GALNTL6: variants seen among roughly 807,000 people sequenced by gnomAD.
The protein encoded by GALNTL6 is polypeptide N-acetylgalactosaminyltransferase like 6.
In GALNTL6, 46 loss-of-function variants were observed where a neutral mutation model predicts 73.7. That is an observed-to-expected ratio of 0.62 (90% CI 0.49 to 0.80). The LOEUF is 0.80. Among genes scored for constraint, GALNTL6 ranks in the 30% least tolerant of loss-of-function variants. GALNTL6 has a pLI of 0.00. For synonymous variants in GALNTL6, 259 were observed against 263.7 expected (o/e 0.98, Z 0.17); for missense variants, 604 against 755.0 (o/e 0.80, Z 2.34).
intron 5 of GALNTL6, among the ~76,000 whole-genome samples, chr4:172,566,852 A>G (rs1341825643): frequency 2.0e-5 from 3 of 152,106 alleles, no homozygotes; most frequent in Non-Finnish European, 4.4e-5. Flanking sequence ...ACGCCACAGA[A>G]ACAAAAGGAA....
chr4:172,311,810 A>AT lies in GALNTL6; in HGVS notation c.386+67dup, dbSNP rs558851741. The AT allele has an allele frequency of 1.3e-3, 1,615 of 1,252,076 alleles. 14 individuals are homozygous for AT. In the South Asian group the frequency reaches 0.015, roughly 12 times the overall value. The allele number at this position is 1,252,076 out of a possible 1,614,324, so 77.6% of individuals were successfully genotyped here. ...TTTTTTTGGTTTTTTTTGTCCTTTG[A>AT]TTTTTTTTTAAATGTGTATCACTGC... is the stretch of plus-strand genomic sequence containing the variant. On this transcript the variant is annotated intron_variant, in intron 4 of 12. Transcript: ENST00000506823.
chr4:172,313,238 G>A (rs1018621867), intron 4 of GALNTL6, among the ~76,000 whole-genome samples: 1 of 149,844 alleles, frequency 6.7e-6, no homozygotes, highest in Non-Finnish European at 1.5e-5. Flanking sequence ...CCATTCTCCT[G>A]CCTCAGCCTC....
intron 2 of GALNTL6, among the ~76,000 whole-genome samples, chr4:172,163,662 G>T (rs190691587): frequency 6.6e-6 from 1 of 152,072 alleles, no homozygotes; most frequent in East Asian, 1.9e-4. Flanking sequence ...GAAAGGAAAG[G>T]TTTCTTTACG....
intron 5 of GALNTL6, among the ~76,000 whole-genome samples, chr4:172,501,115 A>G (rs1430399153): frequency 6.6e-6 from 1 of 152,202 alleles, no homozygotes; most frequent in African/African-American, 2.4e-5. Flanking sequence ...TACATGCATA[A>G]CTGGTGAAAT....
intron 5 of GALNTL6, among the ~76,000 whole-genome samples, chr4:172,442,965 T>C (rs1259433677): frequency 6.6e-6 from 1 of 151,622 alleles, no homozygotes; most frequent in East Asian, 1.9e-4. Context: ...GGGGATTTTA[T>C]CTATTGGTGA....
At chr4:172,806,594 C>T (rs1025890808) in intron 5 of GALNTL6, among the ~76,000 whole-genome samples, 1 of 152,140 alleles carries the variant, frequency 6.6e-6, no homozygotes, top group Non-Finnish European at 1.5e-5. Context: ...GGAAATTACT[C>T]ATTTCTCCTC....
intron 2 of GALNTL6, among the ~76,000 whole-genome samples, chr4:172,212,842 T>TTTTTTTTTTTG: frequency 6.6e-6 from 1 of 152,044 alleles, no homozygotes. Context: ...TAATTTTTTT[T>TTTTTTTTTTTG]GTATTTTTAG....
At chr4:172,323,477 C>G (rs1421701896) in intron 4 of GALNTL6, among the ~76,000 whole-genome samples, 1 of 152,126 alleles carries the variant, frequency 6.6e-6, no homozygotes, top group Non-Finnish European at 1.5e-5. Context: ...ATGTTTGTCA[C>G]TACCCAGGTG....
intron 2 of GALNTL6, among the ~76,000 whole-genome samples, chr4:171,950,637 G>T (rs1356542644): frequency 4.0e-5 from 6 of 151,730 alleles, no homozygotes. Flanking sequence ...GCACCACCAC[G>T]CCAGGCTAAT....
At chr4:172,627,188 A>AGG (rs1185671557) in intron 5 of GALNTL6, among the ~76,000 whole-genome samples, 1 of 151,990 alleles carries the variant, frequency 6.6e-6, no homozygotes, top group East Asian at 1.9e-4. Context: ...AGTTTGGTGA[A>AGG]GGTTTTTATC....
intron 2 of GALNTL6, among the ~76,000 whole-genome samples, chr4:172,117,183 CA>C (rs1386510671): frequency 6.6e-6 from 1 of 152,164 alleles, no homozygotes. Context: ...CTAACTCTCA[CA>C]TCCACACAGA....
At chr4:171,879,229 T>C (rs1736368265) in intron 2 of GALNTL6, among the ~76,000 whole-genome samples, 1 of 152,160 alleles carries the variant, frequency 6.6e-6, no homozygotes, top group African/African-American at 2.4e-5. Flanking sequence ...TCCTTAAAAA[T>C]GATGCTTTGA....
intron 7 of GALNTL6, among the ~76,000 whole-genome samples, chr4:172,837,612 G>C (rs1677957197): frequency 6.6e-6 from 1 of 152,134 alleles, no homozygotes; most frequent in Admixed American, 6.5e-5. Context: ...AGGGGAGAAA[G>C]CCTCCATTTT....
intron 5 of GALNTL6, among the ~76,000 whole-genome samples, chr4:172,588,377 T>G (rs1009283890): frequency 2.6e-5 from 4 of 152,030 alleles, no homozygotes; most frequent in Non-Finnish European, 5.9e-5. Context: ...GCAGATCACT[T>G]GAGGCCAGGA....
intron 9 of GALNTL6, among the ~76,000 whole-genome samples, chr4:172,944,250 A>G (rs931716246): frequency 1.3e-5 from 2 of 152,260 alleles, no homozygotes; most frequent in African/African-American, 4.8e-5. Flanking sequence ...TCCATAATAC[A>G]TAAAGAATTC....
chr4:172,380,185 G>T lies in GALNTL6; in HGVS notation c.553+31496G>T, dbSNP rs1579015639. 4 of 1,020,062 alleles carry T rather than the reference G, an allele frequency of 3.9e-6. No individual in the cohort carries two copies. In the East Asian group the frequency reaches 9.5e-5, roughly 24 times the overall value. The allele number at this position is 1,020,062 out of a possible 1,614,324, so 63.2% of individuals were successfully genotyped here. A position where few individuals can be genotyped will look rare whatever the true frequency, so the allele number is the denominator to read the frequency against. On this transcript the variant is annotated intron_variant, in intron 5 of 12. Transcript: ENST00000506823. ...CCTGGATCCGTAGCAGAACTGTGCG[G>T]ATCTGCAGGGCTGGGGACCACTTAC...
At chr4:172,764,305 G>T (rs1579451043) in intron 5 of GALNTL6, among the ~76,000 whole-genome samples, 1 of 152,266 alleles carries the variant, frequency 6.6e-6, no homozygotes, top group East Asian at 1.9e-4. Flanking sequence ...TATTACACAA[G>T]ATGAAAAAGT....
chr4:172,638,660 A>C (rs777615232), intron 5 of GALNTL6, among the ~76,000 whole-genome samples: 1 of 152,200 alleles, frequency 6.6e-6, no homozygotes, highest in African/African-American at 2.4e-5. Flanking sequence ...AGCCAGTATA[A>C]TTATCGAAAT....
intron 7 of GALNTL6, among the ~76,000 whole-genome samples, chr4:172,828,070 G>A (rs970180600): frequency 2.0e-5 from 3 of 151,952 alleles, no homozygotes; most frequent in South Asian, 2.1e-4. Context: ...TCAGGAGTTC[G>A]AGACCAGCCT....
Sources: gnomAD v4.1 joint callset for allele counts (sites outside exome capture counted in the v4.1 genomes callset) on GRCh38, gnomAD v4.1.1 for gene constraint, MANE v1.5 for transcripts, NCBI Gene and HGNC (gene_info 2026-07-23, HGNC 2026-07-21) for gene names.